The following FGF14 variants were observed in gnomAD, a reference collection of about 807,000 sequenced individuals.
FGF14 encodes fibroblast growth factor 14.
A neutral mutation model predicts 25.5 loss-of-function variants in FGF14; 5 were observed. The observed-to-expected ratio is 0.20, with a 90% CI of 0.10 to 0.41. The LOEUF (loss-of-function observed/expected upper bound fraction) is 0.41. FGF14 is among the 10% of genes least tolerant of loss of function. FGF14 has a pLI of 1.00. For synonymous variants in FGF14, 138 were observed against 118.3 expected (o/e 1.17, Z -1.08); for missense variants, 222 against 320.1 (o/e 0.69, Z 2.34).
chr13:101,889,457 T>C (rs1422061691), intron 1 of FGF14, among the ~76,000 whole-genome samples: 1 of 152,170 alleles, frequency 6.6e-6, no homozygotes, highest in Non-Finnish European at 1.5e-5. Context: ...TCTAGATTTT[T>C]AAGTTTAATG....
chr13:101,755,306 T>C (rs1415164996), intron 3 of FGF14, among the ~76,000 whole-genome samples: 1 of 152,168 alleles, frequency 6.6e-6, no homozygotes, highest in Admixed American at 6.5e-5. Context: ...CCAATTTTCT[T>C]TATGTCTGTC....
chr13:102,358,279 T>C (rs1229397065), intron 1 of FGF14, among the ~76,000 whole-genome samples: 1 of 152,230 alleles, frequency 6.6e-6, no homozygotes, highest in East Asian at 1.9e-4. Flanking sequence ...TAATTTATCA[T>C]CACTGTCTAT....
intron 1 of FGF14, among the ~76,000 whole-genome samples, chr13:102,096,001 G>GTATATATATA (rs60775005): frequency 3.7e-5 from 5 of 135,054 alleles, no homozygotes; most frequent in African/African-American, 1.4e-4. Context: ...GTGTGTGTGT[G>GTATATATATA]TATATATATA....
At chr13:102,056,474 C>A (rs569633041) in intron 1 of FGF14, among the ~76,000 whole-genome samples, 1 of 152,256 alleles carries the variant, frequency 6.6e-6, no homozygotes, top group African/African-American at 2.4e-5. Context: ...TTGTCAAATC[C>A]TTCTCAGAGA....
intron 1 of FGF14, among the ~76,000 whole-genome samples, chr13:102,034,057 T>G (rs886155150): frequency 2.0e-5 from 3 of 152,086 alleles, no homozygotes; most frequent in African/African-American, 4.8e-5. Context: ...GTGCCTCTCT[T>G]CTTTCTGGGA....
At chr13:101,975,743 G>C (rs529192414) in intron 1 of FGF14, among the ~76,000 whole-genome samples, 1 of 152,190 alleles carries the variant, frequency 6.6e-6, no homozygotes, top group East Asian at 1.9e-4. Context: ...GATTCAGAGA[G>C]GGAACTTACT....
At chr13:102,024,941 G>GTATA (rs35005396) in intron 1 of FGF14, among the ~76,000 whole-genome samples, 1,591 of 149,336 alleles carry the variant, frequency 0.011, 29 homozygotes, top group African/African-American at 0.037. Flanking sequence ...TTTTACTGGT[G>GTATA]TATATATATA....
chr13:102,167,253 G>A (rs374007592), intron 1 of FGF14, among the ~76,000 whole-genome samples: 30 of 146,090 alleles, frequency 2.1e-4, no homozygotes, highest in African/African-American at 6.9e-4. Context: ...CAGGAGAATC[G>A]TGTGAACCCT....
intron 1 of FGF14, among the ~76,000 whole-genome samples, chr13:101,877,718 G>C (rs780951441): frequency 4.6e-5 from 7 of 152,168 alleles, no homozygotes; most frequent in Non-Finnish European, 8.8e-5. Context: ...AGCCAGAGCT[G>C]AATTTGTGAT....
chr13:102,199,373 A>T (rs984371825), intron 1 of FGF14, among the ~76,000 whole-genome samples: 1 of 152,208 alleles, frequency 6.6e-6, no homozygotes, highest in African/African-American at 2.4e-5. Flanking sequence ...TTAATGAATG[A>T]TTTCTAAATG....
At chr13:101,878,249 GCC>G (rs1272738619) in intron 1 of FGF14, among the ~76,000 whole-genome samples, 1 of 152,034 alleles carries the variant, frequency 6.6e-6, no homozygotes, top group Non-Finnish European at 1.5e-5. Flanking sequence ...GCATTAAAAT[GCC>G]CCTTTGCACA....
intron 1 of FGF14, among the ~76,000 whole-genome samples, chr13:102,266,543 G>A (rs73569734): frequency 0.045 from 6,899 of 152,076 alleles, 524 homozygotes; most frequent in African/African-American, 0.16. Flanking sequence ...GATAAATACC[G>A]CATTTTATAA....
intron 1 of FGF14, among the ~76,000 whole-genome samples, chr13:102,352,740 A>G (rs1162364091): frequency 6.8e-6 from 1 of 147,656 alleles, no homozygotes; most frequent in Non-Finnish European, 1.5e-5. Context: ...TGAACCCAGG[A>G]GGCGGAGCTT....
At chr13:101,948,488 T>A (rs1400356119) in intron 1 of FGF14, among the ~76,000 whole-genome samples, 1 of 149,728 alleles carries the variant, frequency 6.7e-6, no homozygotes, top group Non-Finnish European at 1.5e-5. Flanking sequence ...TATATATATA[T>A]AAAGAAACAA....
chr13:102,314,070 A>G (rs181704794), intron 1 of FGF14, among the ~76,000 whole-genome samples: 134 of 151,726 alleles, frequency 8.8e-4, no homozygotes, highest in East Asian at 7.8e-4. Flanking sequence ...GGGGCCACGC[A>G]AGCCATCTTC....
intron 1 of FGF14, among the ~76,000 whole-genome samples, chr13:102,340,929 T>C (rs147493753): frequency 1.3e-5 from 2 of 152,330 alleles, no homozygotes; most frequent in African/African-American, 2.4e-5. Context: ...CTGAATTTGA[T>C]GCTGAGATTT....
intron 3 of FGF14, among the ~76,000 whole-genome samples, chr13:101,839,775 A>AT (rs2043109460): frequency 6.6e-6 from 1 of 152,018 alleles, no homozygotes; most frequent in South Asian, 2.1e-4. Context: ...CATTTTGACG[A>AT]TCATCACATC....
chr13:101,858,225 A>G (rs1400579721), intron 3 of FGF14, among the ~76,000 whole-genome samples: 1 of 104,982 alleles, frequency 9.5e-6, no homozygotes, highest in East Asian at 3.0e-4. Flanking sequence ...AAGAATAATT[A>G]TCTTAAAAAA....
chr13:102,354,710 C>T (rs1432920292), intron 1 of FGF14, among the ~76,000 whole-genome samples: 1 of 152,144 alleles, frequency 6.6e-6, no homozygotes, highest in Non-Finnish European at 1.5e-5. Context: ...GCAAAATAAA[C>T]TTCTAAATTG....
Sources: gnomAD v4.1 joint callset for allele counts (sites outside exome capture counted in the v4.1 genomes callset) on GRCh38, gnomAD v4.1.1 for gene constraint, MANE v1.5 for transcripts, NCBI Gene and HGNC (gene_info 2026-07-23, HGNC 2026-07-21) for gene names.